DLGAP2: variants seen among roughly 807,000 people sequenced by gnomAD.
DLGAP2 encodes the protein DLG associated protein 2.
In DLGAP2, 26 loss-of-function variants were observed where a neutral mutation model predicts 100.3. That is an observed-to-expected ratio of 0.26 (90% CI 0.19 to 0.36). The LOEUF is 0.36. Ranked by LOEUF, DLGAP2 falls within the 10% of genes least tolerant of loss-of-function variation. The pLI is 1.00. For synonymous variants in DLGAP2, 886 were observed against 630.1 expected (o/e 1.41, Z -6.08); for missense variants, 1,858 against 1,453.2 (o/e 1.28, Z -4.53).
intron 2 of DLGAP2, among the ~76,000 whole-genome samples, chr8:1,001,605 C>G (rs911898045): frequency 6.6e-6 from 1 of 152,142 alleles, no homozygotes; most frequent in Non-Finnish European, 1.5e-5. Flanking sequence ...CTCTTAAGTG[C>G]AAAACAGAGG....
chr8:894,840 T>G (rs1478228009), intron 1 of DLGAP2, among the ~76,000 whole-genome samples: 2 of 42,698 alleles, frequency 4.7e-5, no homozygotes, highest in Non-Finnish European at 8.8e-5. Flanking sequence ...GAGAACAGAG[T>G]GGAGGCTGGC....
At chr8:1,591,988 C>G (rs1246515099) in intron 6 of DLGAP2, among the ~76,000 whole-genome samples, 3 of 152,180 alleles carry the variant, frequency 2.0e-5, no homozygotes, top group South Asian at 2.1e-4. Context: ...AGCACATTTT[C>G]CAGGATCTAG....
At chr8:1,451,961 C>G (rs1430309768) in intron 3 of DLGAP2, among the ~76,000 whole-genome samples, 2 of 152,266 alleles carry the variant, frequency 1.3e-5, no homozygotes, top group African/African-American at 2.4e-5. Context: ...ACTCCCATAT[C>G]TGACTCTTAA....
intron 3 of DLGAP2, among the ~76,000 whole-genome samples, chr8:1,321,146 C>T (rs190745442): frequency 6.6e-6 from 1 of 150,968 alleles, no homozygotes; most frequent in African/African-American, 2.4e-5. Flanking sequence ...TGCATGTGTG[C>T]ATGCATCCGT....
At chr8:1,360,476 C>T (rs1228364172) in intron 3 of DLGAP2, among the ~76,000 whole-genome samples, 1 of 151,912 alleles carries the variant, frequency 6.6e-6, no homozygotes, top group Admixed American at 6.6e-5. Flanking sequence ...TTGAAGGGAC[C>T]CTGCCCCACT....
intron 3 of DLGAP2, among the ~76,000 whole-genome samples, chr8:1,370,143 C>T (rs1802203359): frequency 6.6e-6 from 1 of 152,116 alleles, no homozygotes; most frequent in South Asian, 2.1e-4. Flanking sequence ...AAAGGTCTTC[C>T]TCGAATTGAG....
rs117314607 is a variant in DLGAP2 at position 906,115 on chromosome 8, C to A, written c.19-1797C>A. Among the ~76,000 whole-genome samples, 1,331 of 152,322 alleles carry A rather than the reference C, an allele frequency of 8.7e-3. 8 individuals are homozygous for A. Among genetic ancestry groups the A allele is most frequent in the Non-Finnish European group, 0.012 (837 of 68,042 alleles). ...GCGTGGGGCTTACCTATGGGCAGCC[C>A]CTCCTTAGGAGCAGCACCCAGCAGA... On this transcript the variant is annotated intron_variant, in intron 1 of 14. Coordinates refer to ENST00000637795, the MANE Select transcript of DLGAP2 (RefSeq NM_001346810.2).
At chr8:1,318,896 A>G (rs1452905486) in intron 3 of DLGAP2, among the ~76,000 whole-genome samples, 1 of 149,846 alleles carries the variant, frequency 6.7e-6, no homozygotes, top group East Asian at 2.0e-4. Flanking sequence ...AGAAGGGTCC[A>G]GTGGGTCCCC....
chr8:1,536,810 A>G (rs35618831), intron 4 of DLGAP2, among the ~76,000 whole-genome samples: 1,659 of 152,218 alleles, frequency 0.011, 21 homozygotes, highest in Non-Finnish European at 0.015. Context: ...CCATTCAAAT[A>G]TTTCACTTTG....
At chr8:1,043,454 G>C (rs1802430701) in intron 2 of DLGAP2, among the ~76,000 whole-genome samples, 1 of 151,886 alleles carries the variant, frequency 6.6e-6, no homozygotes, top group South Asian at 2.1e-4. Context: ...GGTGGATGTA[G>C]GTGGTGGCTG....
At chr8:966,492 C>T (rs1236508616) in intron 2 of DLGAP2, among the ~76,000 whole-genome samples, 5 of 152,236 alleles carry the variant, frequency 3.3e-5, no homozygotes, top group Admixed American at 3.3e-4. Context: ...CTAAATATAT[C>T]CATTTGGTCT....
chr8:1,244,475 G>A (rs1159201309), intron 2 of DLGAP2, among the ~76,000 whole-genome samples: 7 of 152,178 alleles, frequency 4.6e-5, no homozygotes, highest in Non-Finnish European at 1.0e-4. Flanking sequence ...CATAGGAAGG[G>A]GCAATTAGTT....
chr8:1,638,528 C>T (rs994306561), intron 8 of DLGAP2, among the ~76,000 whole-genome samples: 4 of 152,126 alleles, frequency 2.6e-5, no homozygotes, highest in Non-Finnish European at 5.9e-5. Flanking sequence ...AATGAAGACC[C>T]GCGGCCCGGC....
rs574898150 is a variant in DLGAP2, at chr8:1,299,228, C to T, written c.106+40345C>T. Reference sequence around the variant, plus strand: ...TGCAGGGCGGCACAGCTCTGGGCTCCGCCATAGATGCCAGTCCTGACCGTC... The same window carrying T: ...TGCAGGGCGGCACAGCTCTGGGCTCTGCCATAGATGCCAGTCCTGACCGTC... On this transcript the variant is annotated intron_variant, in intron 3 of 14. Coordinates refer to ENST00000637795, the MANE Select transcript of DLGAP2 (RefSeq NM_001346810.2). 3.6e-4 allele frequency among the ~76,000 whole-genome samples: 55 copies of T among 152,302 alleles called. No homozygotes were observed. In the South Asian group the frequency reaches 5.2e-3, roughly 14 times the overall value.
In DLGAP2 at chr8:1,316,073, C is replaced by T. The variant is rs1467665751; in HGVS notation, c.106+57190C>T. Among the ~76,000 whole-genome samples the T allele has an allele frequency of 2.2e-4, 30 of 135,410 alleles. 1 individual carries two copies. The highest frequency in any genetic ancestry group is 6.6e-4 in the East Asian group (3 of 4,574). 88.8% of individuals were successfully genotyped at this position (135,410 alleles called of 152,430 possible). ...AAAAATAGAGCGTGTGTGAGTGCAG[C>T]GTCTCTCCCACAGTGGTCTACACTC... On this transcript the variant is annotated intron_variant, in intron 3 of 14. Coordinates refer to ENST00000637795, the MANE Select transcript of DLGAP2 (RefSeq NM_001346810.2).
At chr8:1,223,363 G>C (rs1798354640) in intron 2 of DLGAP2, among the ~76,000 whole-genome samples, 1 of 152,200 alleles carries the variant, frequency 6.6e-6, no homozygotes, top group African/African-American at 2.4e-5. Context: ...CATGGAGCCA[G>C]CCATCTTGGC....
intron 3 of DLGAP2, among the ~76,000 whole-genome samples, chr8:1,304,551 A>T (rs1345254867): frequency 6.6e-6 from 1 of 152,248 alleles, no homozygotes; most frequent in Non-Finnish European, 1.5e-5. Flanking sequence ...GTCTGAAGCC[A>T]ACTTTGTTTT....
At chr8:1,511,774 G>C (rs1041695371) in intron 4 of DLGAP2, among the ~76,000 whole-genome samples, 1 of 152,146 alleles carries the variant, frequency 6.6e-6, no homozygotes, top group Non-Finnish European at 1.5e-5. Context: ...GGTCTGTCTA[G>C]TGTAGGACAA....
chr8:1,072,824 G>A lies in DLGAP2; in HGVS notation c.73+164858G>A, dbSNP rs772993710. Among the ~76,000 whole-genome samples, 152 of 152,240 alleles carry A rather than the reference G, an allele frequency of 1.0e-3. 1 individual carries two copies. Among genetic ancestry groups the A allele is most frequent in the Non-Finnish European group, 1.2e-3 (82 of 68,048 alleles). ...CGTACCTGGGGTGGAAGAAGAGGCCGTTGTGGGGCTCCACTGCCGGGAAGG... is the reference window on the plus strand; with the variant it reads ...CGTACCTGGGGTGGAAGAAGAGGCCATTGTGGGGCTCCACTGCCGGGAAGG... On this transcript the variant is annotated intron_variant, in intron 2 of 14. Transcript: ENST00000637795.
Sources: allele counts gnomAD v4.1 joint callset (sites outside exome capture counted in the v4.1 genomes callset), GRCh38; gene constraint gnomAD v4.1.1; transcripts MANE v1.5; gene names NCBI Gene and HGNC (gene_info 2026-07-23, HGNC 2026-07-21).